The following PER3 variants were observed in gnomAD, a reference collection of about 807,000 sequenced individuals.
PER3 encodes period circadian protein homolog 3.
PER3 carries 107 observed loss-of-function variants against 127.2 expected under a neutral mutation model. The observed-to-expected ratio is 0.84, with a 90% CI of 0.72 to 0.99. The LOEUF (loss-of-function observed/expected upper bound fraction) is 0.99. Among genes scored for constraint, PER3 ranks in the 50% least tolerant of loss-of-function variants. The pLI is 0.00. For synonymous variants in PER3, 618 were observed against 585.8 expected (o/e 1.05, Z -0.79); for missense variants, 1,560 against 1,525.8 (o/e 1.02, Z -0.37).
At chr1:7,810,094 C>A in intron 12 of PER3, 73 bp downstream of exon 12, 2 of 1,375,798 alleles carry the variant, frequency 1.5e-6, no homozygotes, top group Non-Finnish European at 2.0e-6. Flanking sequence ...AATGTGGTGA[C>A]ATCTTAGTAT....
chr1:7,803,933 T>C (rs960176797), intron 10 of PER3, 85 bp downstream of exon 10: 11 of 1,078,222 alleles, frequency 1.0e-5, no homozygotes, highest in Non-Finnish European at 1.4e-5. Context: ...TCTGACTCAA[T>C]TGACACATAA....
chr1:7,831,764 T>A (rs1415037348), intron 19 of PER3, among the ~76,000 whole-genome samples: 2 of 152,246 alleles, frequency 1.3e-5, no homozygotes, highest in African/African-American at 4.8e-5. Context: ...TTATCCTTTT[T>A]TATATGTTGT....
At chr1:7,805,755 T>C (rs1340515311) in intron 10 of PER3, among the ~76,000 whole-genome samples, 1 of 152,204 alleles carries the variant, frequency 6.6e-6, no homozygotes, top group Non-Finnish European at 1.5e-5. Context: ...CTGGGGCTCG[T>C]TGATGGTCTG....
At chr1:7,835,631 G>GT (rs2097354351) in intron 19 of PER3, 131 bp from the exon 20 acceptor site, 8 of 629,590 alleles carry the variant, frequency 1.3e-5, no homozygotes, top group Non-Finnish European at 1.7e-5. Flanking sequence ...GGAGGAGGAA[G>GT]TTTCCCGGAA....
intron 5 of PER3, 82 bp downstream of exon 5, chr1:7,788,328 T>A: frequency 1.0e-6 from 1 of 990,774 alleles, no homozygotes; most frequent in Non-Finnish European, 1.6e-6. Flanking sequence ...GAAATTAACA[T>A]ATTATTTAGA....
rs372052905 is a variant in PER3, at chr1:7,836,603, G to C, written c.3399-396G>C. ...GTGATGAATGATTTCTTAAAATAAG[G>C]GTGGCAGTGGTAATGTTACCTCTAT... On this transcript the variant is annotated intron_variant, in intron 20 of 21. Transcript: ENST00000377532. Among the ~76,000 whole-genome samples the C allele has an allele frequency of 6.6e-4, 101 of 152,148 alleles. 1 individual carries two copies. In the South Asian group the frequency reaches 0.021, roughly 31 times the overall value.
chr1:7,829,939 GCT>G lies in PER3; in HGVS notation c.2995_2996del (p.Leu999ValfsTer83). ...GAATCCATCCCATCCTACTGCCAGC[GCT>G]CTGTCCACAGGATCGCCTCCCATGA... ...RENPSHPTASALSTGSPPMKN... is the reference protein window; with the variant it reads ...RENPSHPTASXLSTGSPPMKN... On this transcript the variant is annotated frameshift_variant, in exon 19 of 22. Transcript: ENST00000377532. LOFTEE classifies it high-confidence loss of function. The G allele has an allele frequency of 7.8e-7, 1 of 1,282,504 alleles. No individual in the cohort carries two copies. The highest frequency in any genetic ancestry group is 1.7e-5 in the South Asian group (1 of 57,450). 79.4% of individuals were successfully genotyped at this position (1,282,504 alleles called of 1,614,324 possible).
chr1:7,793,160 C>T (rs1352560151), intron 5 of PER3, among the ~76,000 whole-genome samples: 2 of 152,138 alleles, frequency 1.3e-5, no homozygotes, highest in African/African-American at 2.4e-5. Context: ...TTCCATGGTT[C>T]CTATAACTGA....
chr1:7,803,225 C>A (rs1391005117), intron 9 of PER3, 72 bp downstream of exon 9: 1 of 913,636 alleles, frequency 1.1e-6, no homozygotes, highest in Non-Finnish European at 1.8e-6. Context: ...CTTTTCATCT[C>A]ATTAGAGCGC....
Position 7,842,774 on chromosome 1 carries a change from C to A in PER3, c.*19C>A. ...CTGTTGAGTGACTGTGAGGATGAAC[C>A]TTCATACCCTTTCCAAGACGTGTTA... On this transcript the variant is annotated 3_prime_UTR_variant, in exon 22 of 22. Transcript: ENST00000377532. 6.2e-7 allele frequency: 1 copy of A among 1,605,876 alleles called. No individual in the cohort carries two copies. Among genetic ancestry groups the A allele is most frequent in the Non-Finnish European group, 8.5e-7 (1 of 1,173,936 alleles).
intron 10 of PER3, 145 bp from the exon 11 acceptor site, chr1:7,808,748 A>C (rs1202487853): frequency 1.6e-6 from 1 of 626,614 alleles, no homozygotes; most frequent in Non-Finnish European, 2.9e-6. Context: ...TACCTTCATG[A>C]ATAGAATTCT....
intron 10 of PER3, among the ~76,000 whole-genome samples, chr1:7,804,467 A>C (rs1167117529): frequency 6.8e-6 from 1 of 147,370 alleles, no homozygotes; most frequent in Non-Finnish European, 1.5e-5. Flanking sequence ...TGATGCGATC[A>C]CAGCTCAGTG....
chr1:7,803,704 C>A lies in PER3; in HGVS notation c.992C>A (p.Ala331Glu). 1 of 1,596,654 alleles carries A rather than the reference C, an allele frequency of 6.3e-7. No individual in the cohort carries two copies. Among genetic ancestry groups the A allele is most frequent in the Non-Finnish European group, 8.6e-7 (1 of 1,164,908 alleles). Residue 331 changes from alanine (A) to glutamate (E), a missense_variant, in exon 10 of 22, where the codon GCA (alanine) becomes GAA (glutamate). Transcript: ENST00000377532. ...VAIHQKVLKY[A>E]GHPPFEHSPI... ...TTATTTTATATAGTTTTGAAGTATGCAGGGCATCCTCCCTTTGAACATTCT... is the reference window on the plus strand; with the variant it reads ...TTATTTTATATAGTTTTGAAGTATGAAGGGCATCCTCCCTTTGAACATTCT...
intron 3 of PER3, 32 bp downstream of exon 3, chr1:7,785,618 G>T (rs1291536765): frequency 6.3e-7 from 1 of 1,597,304 alleles, no homozygotes; most frequent in East Asian, 2.2e-5. Context: ...TTCATCCTAC[G>T]AATGCACCAG....
rs2097093485 is a variant in PER3 at position 7,786,822 on chromosome 1, A to G, written c.376A>G (p.Thr126Ala). ...GCTGGCCACTATCGCTTCAGAACAC[A>G]CTTCCAAAAACACAGTAAGAATTCA... is the stretch of plus-strand genomic sequence containing the variant. ...EELATIASEH[T>A]SKNTDTFVAV... is the part of the protein sequence containing the mutation. Residue 126 changes from threonine to alanine, a missense_variant, in exon 4 of 22, where the codon ACT becomes GCT. Around this residue, in one of 3 missense-constraint regions of PER3, gnomAD observed 1,332 missense variants for 1,223.6 expected, o/e 1.09. Coordinates refer to ENST00000377532, the MANE Select transcript of PER3 (RefSeq NM_001377275.1). 1 of 1,589,698 alleles carries G rather than the reference A, an allele frequency of 6.3e-7. No homozygotes were observed. Among genetic ancestry groups the G allele is most frequent in the Non-Finnish European group, 8.6e-7 (1 of 1,157,800 alleles).
At chr1:7,787,777 G>A (rs948103382) in intron 4 of PER3, 6 of 458,762 alleles carry the variant, frequency 1.3e-5, no homozygotes, top group Non-Finnish European at 2.4e-5. Flanking sequence ...GAGAAGTTAT[G>A]TGCCATACGT....
In PER3 at chr1:7,820,184, C is replaced by T. The variant is rs764906628; in HGVS notation, c.1728C>T (p.Ser576=). ...KCISCTNTTS[S]SSEEDKQNHK... ...TCTCCTGTACAAATACAACTTCTTC[C>T]TCCTCAGAAGAAGACAAACAGAACC... Residue 576 remains serine, a synonymous_variant, in exon 15 of 22, where the codon TCC becomes TCT. Transcript: ENST00000377532. 1.2e-6 allele frequency: 2 copies of T among 1,610,660 alleles called. No individual in the cohort carries two copies. Among genetic ancestry groups the T allele is most frequent in the South Asian group, 1.1e-5 (1 of 91,028 alleles).
chr1:7,787,983 T>G (rs979887576), intron 4 of PER3, 62 bp from the exon 5 acceptor site: 10 of 1,234,820 alleles, frequency 8.1e-6, no homozygotes, highest in Non-Finnish European at 1.2e-5. Context: ...GAAATTTACC[T>G]TTCAGGGAAT....
At chr1:7,799,604 C>CT (rs34374686) in intron 7 of PER3, among the ~76,000 whole-genome samples, 70,921 of 134,950 alleles carry the variant, frequency 0.53, 19,599 homozygotes, top group Middle Eastern at 0.69. Flanking sequence ...GAGTAAAACT[C>CT]TGTCTCAAAA....
Sources: gnomAD v4.1 joint callset for allele counts (sites outside exome capture counted in the v4.1 genomes callset) on GRCh38, gnomAD v4.1.1 for gene constraint, gnomAD v4.1.1 regional missense constraint, MANE v1.5 for transcripts, NCBI Gene and HGNC (gene_info 2026-07-23, HGNC 2026-07-21) for gene names.